The following NRG1 variants were observed in gnomAD, a reference collection of about 807,000 sequenced individuals.
NRG1 encodes the protein pro-neuregulin-1, membrane-bound isoform.
In NRG1, 18 loss-of-function variants were observed where a neutral mutation model predicts 63.8. That is an observed-to-expected ratio of 0.28 (90% confidence interval 0.19 to 0.42). The LOEUF (loss-of-function observed/expected upper bound fraction) is 0.42. NRG1 is among the 10% of genes least tolerant of loss of function. The pLI is 1.00. For synonymous variants in NRG1, 302 were observed against 301.3 expected, an observed-to-expected ratio of 1.00 and a Z score of -0.02; for missense variants, 762 against 814.7, an observed-to-expected ratio of 0.94 and a Z score of 0.79.
chr8:32,067,807 AT>A lies in NRG1; in HGVS notation c.37+428382del, dbSNP rs537618676. Among the ~76,000 whole-genome samples, 9 of 152,162 alleles carry A rather than the reference AT, an allele frequency of 5.9e-5. No individual in the cohort carries two copies. The East Asian group carries it at 1.4e-3, about 23-fold the overall frequency. On this transcript the variant is annotated intron_variant, in intron 1 of 10. Coordinates refer to the NRG1 transcript ENST00000519301. The stretch of plus-strand genomic sequence containing the variant: ...ACACGATTACTAAGAAAATATAAAC[AT>A]TTTTTCATATACTGGTTAATTGGCT...
chr8:32,415,980 G>A (rs1480491115), intron 1 of NRG1, among the ~76,000 whole-genome samples: 1 of 152,204 alleles, frequency 6.6e-6, no homozygotes, highest in African/African-American at 2.4e-5. Flanking sequence ...AGTAGGAAAA[G>A]GATAGGAATG....
At chr8:31,831,373 G>A (rs1435704898) in intron 1 of NRG1, among the ~76,000 whole-genome samples, 1 of 152,058 alleles carries the variant, frequency 6.6e-6, no homozygotes, top group Non-Finnish European at 1.5e-5. Flanking sequence ...AAAGTGCTGG[G>A]ATTACAAATA....
At chr8:32,342,719 A>G (rs1043158165) in intron 1 of NRG1, among the ~76,000 whole-genome samples, 1 of 152,238 alleles carries the variant, frequency 6.6e-6, no homozygotes, top group Non-Finnish European at 1.5e-5. Flanking sequence ...GCATATTAGA[A>G]AGATTTCACT....
In NRG1 at chr8:32,685,310, G is replaced by C. The variant is rs144096390; in HGVS notation, c.503-42639G>C. Among the ~76,000 whole-genome samples the C allele has an allele frequency of 3.0e-3, 460 of 152,190 alleles. 3 individuals are homozygous for C. Among genetic ancestry groups the C allele is most frequent in the African/African-American group, 0.01 (431 of 41,532 alleles). ...AATTACATTTGGGGAGTCACAGCGT[G>C]GTGGGGCCTCAATTTATTCTTTTGG... On this transcript the variant is annotated intron_variant, in intron 5 of 11. Transcript: ENST00000356819.
At chr8:31,668,251 A>G (rs540791941) in intron 1 of NRG1, among the ~76,000 whole-genome samples, 1 of 152,336 alleles carries the variant, frequency 6.6e-6, no homozygotes, top group Admixed American at 6.5e-5. Context: ...GATAGATCCC[A>G]GATTGGCAAT....
At chr8:31,735,276 A>T (rs1454216909) in intron 1 of NRG1, among the ~76,000 whole-genome samples, 1 of 152,144 alleles carries the variant, frequency 6.6e-6, no homozygotes, top group Non-Finnish European at 1.5e-5. Context: ...GTATGTTTGC[A>T]GATTTGGAGT....
chr8:32,005,633 A>G (rs991993894), intron 1 of NRG1, among the ~76,000 whole-genome samples: 19 of 151,984 alleles, frequency 1.3e-4, no homozygotes, highest in African/African-American at 4.6e-4. Flanking sequence ...TTTCAGAGGC[A>G]ATTGGTGTTA....
chr8:32,214,698 T>A (rs1430119275), intron 1 of NRG1, among the ~76,000 whole-genome samples: 1 of 152,092 alleles, frequency 6.6e-6, no homozygotes, highest in Non-Finnish European at 1.5e-5. Context: ...TTCCTTTTCT[T>A]TCAAGGAAAA....
rs1464558279 is a variant in NRG1 at position 32,487,287 on chromosome 8, C to G, written c.38-108541C>G. Among the ~76,000 whole-genome samples the G allele has an allele frequency of 2.6e-5, 4 of 152,056 alleles. No individual in the cohort carries two copies. In the East Asian group the frequency reaches 7.7e-4, roughly 29 times the overall value. Reference sequence around the variant, plus strand: ...AAGCTGCAATACTGTCTCAAATGTGCCCATGACCCCACCTATTGCTCAATT... The same window carrying G: ...AAGCTGCAATACTGTCTCAAATGTGGCCATGACCCCACCTATTGCTCAATT... On this transcript the variant is annotated intron_variant, in intron 1 of 10. Transcript: ENST00000519301.
In NRG1 at chr8:32,159,540, C is replaced by CAAA. The variant is rs10684266; in HGVS notation, c.38-436272_38-436270dup. ...TGGGCGACAGAGCGAGACTCCGTCT[C>CAAA]AAAAAAAAAAAAAAAAAAGAAAAAG... On this transcript the variant is annotated intron_variant, in intron 1 of 10. Transcript: ENST00000519301. Among the ~76,000 whole-genome samples, 167 of 73,636 alleles carry CAAA rather than the reference C, an allele frequency of 2.3e-3. 1 individual carries two copies. The highest frequency in any genetic ancestry group is 2.9e-3 in the Admixed American group (19 of 6,476). 48.3% of individuals were successfully genotyped at this position (73,636 alleles called of 152,430 possible). A position where few individuals can be genotyped will look rare whatever the true frequency, so the allele number is the denominator to read the frequency against.
intron 1 of NRG1, among the ~76,000 whole-genome samples, chr8:32,067,237 T>C (rs1023405717): frequency 3.7e-4 from 56 of 152,068 alleles, no homozygotes; most frequent in Non-Finnish European, 7.6e-4. Flanking sequence ...TGAATAGGAG[T>C]GGTGAGAGAG....
At chr8:32,403,124 C>T (rs144348785) in intron 1 of NRG1, among the ~76,000 whole-genome samples, 3,537 of 151,802 alleles carry the variant, frequency 0.023, 110 homozygotes, top group African/African-American at 0.079. Flanking sequence ...GATGGTGAAA[C>T]GCCGTCTCTA....
intron 6 of NRG1, among the ~76,000 whole-genome samples, chr8:32,741,699 T>C (rs1013537650): frequency 6.6e-6 from 1 of 152,078 alleles, no homozygotes; most frequent in Non-Finnish European, 1.5e-5. Flanking sequence ...CAGTGGCAAA[T>C]AGGGTCATGC....
intron 1 of NRG1, among the ~76,000 whole-genome samples, chr8:32,524,627 G>T (rs1267377028): frequency 1.3e-5 from 2 of 152,036 alleles, no homozygotes; most frequent in Non-Finnish European, 2.9e-5. Flanking sequence ...CCAGACACCG[G>T]TTTTTCCTCC....
At chr8:31,649,949 AC>A (rs1469167566) in intron 1 of NRG1, among the ~76,000 whole-genome samples, 3 of 151,912 alleles carry the variant, frequency 2.0e-5, no homozygotes, top group Non-Finnish European at 4.4e-5. Flanking sequence ...ATCAGTACGC[AC>A]CAGAGGCTGA....
At chr8:31,840,349 C>CTTT (rs71992716) in intron 1 of NRG1, among the ~76,000 whole-genome samples, 1,373 of 116,818 alleles carry the variant, frequency 0.012, 57 homozygotes, top group African/African-American at 0.042. Context: ...TATTCTCTGT[C>CTTT]TTTTTTTTTT....
At chr8:32,529,002 T>C (rs928551606) in intron 1 of NRG1, among the ~76,000 whole-genome samples, 3 of 152,242 alleles carry the variant, frequency 2.0e-5, no homozygotes, top group African/African-American at 7.2e-5. Flanking sequence ...CTTAACAATG[T>C]GGCTACGTTC....
chr8:32,322,943 CTCTA>C (rs1801588008), intron 1 of NRG1, among the ~76,000 whole-genome samples: 1 of 151,612 alleles, frequency 6.6e-6, no homozygotes, highest in South Asian at 2.1e-4. Flanking sequence ...GCTTTCACCA[CTCTA>C]TCTAAGCAGG....
chr8:32,450,908 G>A (rs1014461730), intron 1 of NRG1, among the ~76,000 whole-genome samples: 10 of 152,094 alleles, frequency 6.6e-5, no homozygotes, highest in African/African-American at 2.4e-4. Context: ...GGCAAGAGAA[G>A]GAGAGAGGAA....
Sources: allele counts gnomAD v4.1 joint callset (sites outside exome capture counted in the v4.1 genomes callset), GRCh38; gene constraint gnomAD v4.1.1; transcripts MANE v1.5; gene names NCBI Gene and HGNC (gene_info 2026-07-23, HGNC 2026-07-21).